The following MYOZ2 variants were observed in gnomAD, a reference collection of about 807,000 sequenced individuals.
MYOZ2 encodes myozenin-2.
In MYOZ2, 19 loss-of-function variants were observed where a neutral mutation model predicts 25.4. The observed-to-expected ratio is 0.75, with a 90% CI of 0.52 to 1.10. The LOEUF is 1.10. Ranked by LOEUF, MYOZ2 falls within the 50% of genes least tolerant of loss-of-function variation. MYOZ2 has a pLI of 0.00. For synonymous variants in MYOZ2, 92 were observed against 106.9 expected, an observed-to-expected ratio of 0.86 and a Z score of 0.86; for missense variants, 270 against 317.9, an observed-to-expected ratio of 0.85 and a Z score of 1.15.
intron 3 of MYOZ2, among the ~76,000 whole-genome samples, chr4:119,153,062 CTTTT>C (rs5861415): frequency 7.3e-6 from 1 of 137,880 alleles, no homozygotes; most frequent in Admixed American, 7.3e-5. Context: ...AAAGCGTTGC[CTTTT>C]TTTTTTTTTT....
In MYOZ2 at chr4:119,164,341, A is replaced by G. The variant is rs1741776965; in HGVS notation, c.507A>G (p.Lys169=). ...DPELLEALYP[K]LFKPEGKAEL... is the part of the protein sequence containing the mutation. Reference sequence around the variant, plus strand: ...AGCTTTTAGAGGCTTTATATCCTAAACTTTTCAAGCCTGAAGGAAAGGCAG... The same window carrying G: ...AGCTTTTAGAGGCTTTATATCCTAAGCTTTTCAAGCCTGAAGGAAAGGCAG... Residue 169 remains lysine, a synonymous_variant, in exon 5 of 6, where the codon AAA becomes AAG. Coordinates refer to ENST00000307128, the MANE Select transcript of MYOZ2 (RefSeq NM_016599.5). 6.2e-7 allele frequency: 1 copy of G among 1,613,954 alleles called. No individual in the cohort carries two copies. The highest frequency in any genetic ancestry group is 1.3e-5 in the African/African-American group (1 of 74,922).
intron 5 of MYOZ2, among the ~76,000 whole-genome samples, chr4:119,181,675 G>A (rs80000389): frequency 0.032 from 4,922 of 152,176 alleles, 274 homozygotes; most frequent in African/African-American, 0.11. Context: ...CAAAAACTAT[G>A]GCATAGTACT....
intron 2 of MYOZ2, 133 bp from the exon 3 acceptor site, chr4:119,150,739 G>T: frequency 1.2e-6 from 1 of 855,172 alleles, no homozygotes. Flanking sequence ...AAGGAACTGA[G>T]GTTTAGAGAA....
chr4:119,180,429 C>T (rs1039848574), intron 5 of MYOZ2, among the ~76,000 whole-genome samples: 1 of 152,176 alleles, frequency 6.6e-6, no homozygotes, highest in Non-Finnish European at 1.5e-5. Context: ...TCATCCCCTG[C>T]CTGCCAGCTA....
At position 119,186,932 on chromosome 4, in the gene MYOZ2, CATTG is replaced by C. The variant is rs746921047; in HGVS notation, c.*736_*739del. 6.6e-6 allele frequency: 1 copy of C among 152,156 alleles called. No individual in the cohort carries two copies. Among genetic ancestry groups the C allele is most frequent in the Admixed American group, 6.5e-5 (1 of 15,276 alleles). 9.4% of individuals were successfully genotyped at this position (152,156 alleles called of 1,614,324 possible). On this transcript the variant is annotated 3_prime_UTR_variant, in exon 6 of 6. Coordinates refer to ENST00000307128, the MANE Select transcript of MYOZ2 (RefSeq NM_016599.5). ...AAGTTTCACAAATCCCAATGCTGTG[CATTG>C]ATTATGTTCAACTTTATGTGTGCAT...
intron 5 of MYOZ2, among the ~76,000 whole-genome samples, chr4:119,171,953 T>C (rs1482290777): frequency 6.6e-6 from 1 of 152,076 alleles, no homozygotes; most frequent in Non-Finnish European, 1.5e-5. Flanking sequence ...GTTTACATTA[T>C]GATATGTAAT....
intron 5 of MYOZ2, among the ~76,000 whole-genome samples, chr4:119,175,255 T>TA (rs1477717303): frequency 6.6e-6 from 1 of 151,986 alleles, no homozygotes; most frequent in Non-Finnish European, 1.5e-5. Context: ...TAGAGCTGGA[T>TA]AAAAAGGGGA....
intron 1 of MYOZ2, among the ~76,000 whole-genome samples, chr4:119,136,267 T>C (rs576771855): frequency 6.6e-6 from 1 of 152,298 alleles, no homozygotes; most frequent in East Asian, 1.9e-4. Context: ...GCAATTTCAT[T>C]GTTTCTCACT....
At chr4:119,178,903 G>A (rs943243963) in intron 5 of MYOZ2, among the ~76,000 whole-genome samples, 5 of 152,114 alleles carry the variant, frequency 3.3e-5, no homozygotes, top group African/African-American at 9.7e-5. Flanking sequence ...CACCGTGCCC[G>A]GCTATTCAGT....
At chr4:119,149,852 C>A (rs1256271172) in intron 2 of MYOZ2, among the ~76,000 whole-genome samples, 1 of 152,082 alleles carries the variant, frequency 6.6e-6, no homozygotes, top group Non-Finnish European at 1.5e-5. Context: ...TAATTTTTCT[C>A]TCAAAAGAAA....
chr4:119,185,130 T>C (rs566695135), intron 5 of MYOZ2, among the ~76,000 whole-genome samples: 3 of 150,554 alleles, frequency 2.0e-5, no homozygotes, highest in Admixed American at 2.0e-4. Flanking sequence ...CCCTTCCCTT[T>C]CCTTTTCTTT....
intron 5 of MYOZ2, among the ~76,000 whole-genome samples, chr4:119,172,686 A>T (rs1390157826): frequency 6.6e-6 from 1 of 152,176 alleles, no homozygotes; most frequent in African/African-American, 2.4e-5. Context: ...CTGATTTGTT[A>T]GTTCTGCAAG....
chr4:119,183,877 C>T (rs965264051), intron 5 of MYOZ2, among the ~76,000 whole-genome samples: 6 of 149,860 alleles, frequency 4.0e-5, no homozygotes. Context: ...TACAATGGCA[C>T]GATCTCGGCT....
At chr4:119,144,071 T>TA (rs995603663) in intron 2 of MYOZ2, among the ~76,000 whole-genome samples, 4 of 152,196 alleles carry the variant, frequency 2.6e-5, no homozygotes, top group Non-Finnish European at 4.4e-5. Context: ...TCCATTCCCA[T>TA]AAGGGTCCCT....
In MYOZ2 at chr4:119,186,103, A is replaced by G; in HGVS notation, c.698A>G (p.Asn233Ser). 3 of 1,614,008 alleles carry G rather than the reference A, an allele frequency of 1.9e-6. No homozygotes were observed. Among genetic ancestry groups the G allele is most frequent in the Non-Finnish European group, 2.5e-6 (3 of 1,179,952 alleles). Residue 233 changes from asparagine (N) to serine (S), a missense_variant, in exon 6 of 6, where the codon AAT (asparagine) becomes AGT (serine). By Grantham distance (46) the Asn-to-Ser change is conservative. Transcript: ENST00000307128. ...VNPLSGRRSF[N>S]RTPKGWISEN... Reference sequence around the variant, plus strand: ...CCCCTTTCTGGCAGACGGTCCTTTAATAGGACTCCTAAGGGATGGATATCT... The same window carrying G: ...CCCCTTTCTGGCAGACGGTCCTTTAGTAGGACTCCTAAGGGATGGATATCT...
chr4:119,181,069 C>T lies in MYOZ2; in HGVS notation c.561-4897C>T, dbSNP rs148342757. On this transcript the variant is annotated intron_variant, in intron 5 of 5. Coordinates refer to ENST00000307128, the MANE Select transcript of MYOZ2 (RefSeq NM_016599.5). ...CCTGGTCACAGTCTTTTCTCCACAA[C>T]ACCTATTCAATACTCTTTTTTGGTA... Among the ~76,000 whole-genome samples the T allele has an allele frequency of 1.3e-3, 205 of 152,282 alleles. 2 individuals carry two copies. In the East Asian group the frequency reaches 0.025, roughly 19 times the overall value.
chr4:119,140,036 C>T (rs1473980529), intron 2 of MYOZ2, among the ~76,000 whole-genome samples: 2 of 152,078 alleles, frequency 1.3e-5, no homozygotes, highest in African/African-American at 2.4e-5. Context: ...AATGTGGTAC[C>T]AGGGGTCCTG....
intron 5 of MYOZ2, among the ~76,000 whole-genome samples, chr4:119,166,164 T>A (rs1033894788): frequency 2.0e-5 from 3 of 152,168 alleles, no homozygotes; most frequent in African/African-American, 7.2e-5. Flanking sequence ...TTCAACATGA[T>A]AGTATATTCT....
intron 5 of MYOZ2, among the ~76,000 whole-genome samples, chr4:119,175,309 C>A (rs1276122038): frequency 1.3e-5 from 2 of 152,100 alleles, no homozygotes; most frequent in African/African-American, 4.8e-5. Context: ...TATTTTAGTG[C>A]AGAGGGATGT....
Sources: allele counts gnomAD v4.1 joint callset (sites outside exome capture counted in the v4.1 genomes callset), GRCh38; gene constraint gnomAD v4.1.1; transcripts MANE v1.5; gene names NCBI Gene and HGNC (gene_info 2026-07-23, HGNC 2026-07-21).